Variants in PCDH11X observed in about 807,000 individuals in gnomAD.
PCDH11X encodes protocadherin-11 X-linked.
In PCDH11X, 18 loss-of-function variants were observed where a neutral mutation model predicts 53.3. The observed-to-expected ratio is 0.34, with a 90% CI of 0.23 to 0.50. PCDH11X has a LOEUF of 0.50. Among genes scored for constraint, PCDH11X ranks in the 20% least tolerant of loss-of-function variants. The pLI is 0.98. For missense variants in PCDH11X, 570 were observed against 1,032.4 expected (o/e 0.55, Z 6.14); for synonymous variants, 279 against 393.3 (o/e 0.71, Z 3.44).
chrX:92,181,097 C>T (rs1261825012), intron 6 of PCDH11X, among the ~76,000 whole-genome samples: 6 of 110,982 alleles, frequency 5.4e-5, no homozygotes, highest in Admixed American at 9.7e-5. Context: ...TGTTGAATGG[C>T]GTTGACAAAA....
At chrX:92,106,892 G>GCCTCACTATACATCCCA (rs1313337163) in intron 6 of PCDH11X, among the ~76,000 whole-genome samples, 4 of 111,354 alleles carry the variant, frequency 3.6e-5, no homozygotes, top group Non-Finnish European at 7.5e-5. Context: ...GAAGGCACAT[G>GCCTCACTATACATCCCA]CCTCACTATA....
At chrX:91,831,058 AG>A (rs1394005894) in intron 4 of PCDH11X, among the ~76,000 whole-genome samples, 2 of 112,089 alleles carry the variant, frequency 1.8e-5, no homozygotes, top group African/African-American at 6.5e-5. Context: ...AATTGCATAT[AG>A]TAGATGCCTA....
At chrX:92,364,470 A>G (rs927966308) in intron 8 of PCDH11X, among the ~76,000 whole-genome samples, 1 of 110,995 alleles carries the variant, frequency 9.0e-6, no homozygotes, top group African/African-American at 3.3e-5. Context: ...AAACATGAGT[A>G]GAGTTTGCAG....
chrX:92,025,280 GA>G (rs35610049), intron 6 of PCDH11X, among the ~76,000 whole-genome samples: 11 of 98,070 alleles, frequency 1.1e-4, no homozygotes, highest in South Asian at 4.8e-4. Context: ...AAATTTACAA[GA>G]AAAAAAAAAC....
chrX:92,408,234 T>A (rs1443069465), intron 9 of PCDH11X, among the ~76,000 whole-genome samples: 1 of 111,291 alleles, frequency 9.0e-6, no homozygotes, highest in Non-Finnish European at 1.9e-5. Flanking sequence ...GTCTCATTGA[T>A]GCCTAGATAT....
At chrX:92,202,559 A>T (rs1390954386) in intron 7 of PCDH11X, among the ~76,000 whole-genome samples, 2 of 111,760 alleles carry the variant, frequency 1.8e-5, no homozygotes, top group South Asian at 7.6e-4. Flanking sequence ...TCATGTCTGT[A>T]TAGCTACCTA....
intron 8 of PCDH11X, among the ~76,000 whole-genome samples, chrX:92,353,943 C>A (rs776634282): frequency 0.01 from 1,001 of 98,602 alleles, 11 homozygotes; most frequent in African/African-American, 0.036. Context: ...ATCTATTTTT[C>A]CTTAGCTCAC....
chrX:91,838,596 CAG>C (rs1937388193), intron 5 of PCDH11X, among the ~76,000 whole-genome samples: 1 of 110,170 alleles, frequency 9.1e-6, no homozygotes, highest in Admixed American at 9.8e-5. Flanking sequence ...TAAAGAAAAA[CAG>C]AGAAAAGAAG....
chrX:92,534,248 G>A (rs1474075478), intron 10 of PCDH11X, among the ~76,000 whole-genome samples: 1 of 110,855 alleles, frequency 9.0e-6, no homozygotes, highest in Non-Finnish European at 1.9e-5. Context: ...CGAGAACTAC[G>A]TGATGCATGC....
At chrX:92,385,198 T>C (rs1301416132) in intron 8 of PCDH11X, among the ~76,000 whole-genome samples, 1 of 96,641 alleles carries the variant, frequency 1.0e-5, no homozygotes, top group African/African-American at 3.8e-5. Context: ...AGCTCCCTAC[T>C]AAATATCTTT....
chrX:92,426,520 T>C (rs949529606), intron 9 of PCDH11X, among the ~76,000 whole-genome samples: 1 of 109,246 alleles, frequency 9.2e-6, no homozygotes, highest in African/African-American at 3.3e-5. Context: ...AGGAAAAATT[T>C]GCATCGAACT....
chrX:91,885,131 G>C (rs1174886410), intron 6 of PCDH11X, among the ~76,000 whole-genome samples: 1 of 106,774 alleles, frequency 9.4e-6, no homozygotes, highest in Non-Finnish European at 1.9e-5. Flanking sequence ...TGATTATAAT[G>C]ACTGTGAGTA....
intron 8 of PCDH11X, among the ~76,000 whole-genome samples, chrX:92,331,315 C>A (rs1257116015): frequency 4.3e-5 from 4 of 93,286 alleles, no homozygotes; most frequent in Non-Finnish European, 8.4e-5. Flanking sequence ...TCTTCTTCTT[C>A]TTCCTCTTCT....
chrX:91,922,655 A>T (rs1291167878), intron 6 of PCDH11X, among the ~76,000 whole-genome samples: 9 of 112,196 alleles, frequency 8.0e-5, no homozygotes, highest in Non-Finnish European at 1.1e-4. Flanking sequence ...CATGCGAGGG[A>T]TCTAGGTTGT....
At chrX:91,905,304 A>G (rs1203851563) in intron 6 of PCDH11X, among the ~76,000 whole-genome samples, 3 of 109,143 alleles carry the variant, frequency 2.7e-5, no homozygotes, top group African/African-American at 1.0e-4. Flanking sequence ...TAATTATTTT[A>G]GTTTTTGTAG....
chrX:92,493,279 A>G (rs1454857875), intron 10 of PCDH11X, among the ~76,000 whole-genome samples: 1 of 111,095 alleles, frequency 9.0e-6, no homozygotes, highest in African/African-American at 3.3e-5. Context: ...CTTCAAAGCA[A>G]GATGAATAAG....
At chrX:92,004,930 C>T (rs1161219733) in intron 6 of PCDH11X, among the ~76,000 whole-genome samples, 2 of 109,411 alleles carry the variant, frequency 1.8e-5, no homozygotes, top group African/African-American at 3.3e-5. Flanking sequence ...CACCCGCCAC[C>T]GCGCCCGGCT....
intron 6 of PCDH11X, among the ~76,000 whole-genome samples, chrX:92,183,000 T>C (rs533976401): frequency 6.3e-5 from 7 of 111,303 alleles, no homozygotes; most frequent in African/African-American, 2.3e-4. Context: ...AACATCTCTG[T>C]TGCCCCTGAA....
rs764332269 is a variant in PCDH11X, at chrX:92,622,825, T to C, written c.*3885T>C. 2 of 110,046 alleles carry C rather than the reference T, an allele frequency of 1.8e-5. No homozygotes were observed. The highest frequency in any genetic ancestry group is 2.0e-4 in the Admixed American group (2 of 10,200). 9.1% of individuals were successfully genotyped at this position (110,046 alleles called of 1,213,427 possible). On this transcript the variant is annotated 3_prime_UTR_variant, in exon 11 of 11. Coordinates refer to ENST00000682573, the MANE Select transcript of PCDH11X (RefSeq NM_032968.5). ...ATATGATTTTTAAAAGCAGTTCAAG[T>C]TGACAACAGCAGAAACAGTAACAAA...
Sources: allele counts gnomAD v4.1 joint callset (sites outside exome capture counted in the v4.1 genomes callset), GRCh38; gene constraint gnomAD v4.1.1; transcripts MANE v1.5; gene names NCBI Gene and HGNC (gene_info 2026-07-23, HGNC 2026-07-21).